Variants in PTPRD observed in about 807,000 individuals in gnomAD.
The protein encoded by PTPRD is receptor-type tyrosine-protein phosphatase delta.
A neutral mutation model predicts 214.5 loss-of-function variants in PTPRD; 34 were observed. The observed-to-expected ratio is 0.16, with a 90% CI of 0.12 to 0.21. The LOEUF (loss-of-function observed/expected upper bound fraction) is 0.21. PTPRD is among the 10% of genes least tolerant of loss of function. The pLI is 1.00. For missense variants in PTPRD, 2,545 were observed against 2,398.7 expected (o/e 1.06, Z -1.27); for synonymous variants, 1,128 against 845.7 (o/e 1.33, Z -5.79).
chr9:8,905,728 G>A (rs1424965480), intron 11 of PTPRD, among the ~76,000 whole-genome samples: 24 of 133,756 alleles, frequency 1.8e-4, no homozygotes, highest in Non-Finnish European at 2.5e-4. Flanking sequence ...GACAGAGTGA[G>A]ACTCCCTCGC....
At chr9:9,007,893 T>TG (rs1307511565) in intron 11 of PTPRD, among the ~76,000 whole-genome samples, 2 of 146,896 alleles carry the variant, frequency 1.4e-5, no homozygotes, top group East Asian at 2.0e-4. Context: ...GTGTTTTTTT[T>TG]TTTTGTTTTT....
chr9:9,401,503 G>C (rs2070465773), intron 8 of PTPRD, among the ~76,000 whole-genome samples: 1 of 152,074 alleles, frequency 6.6e-6, no homozygotes, highest in Admixed American at 6.6e-5. Flanking sequence ...AAGGGTAATT[G>C]GTATGACTGA....
intron 7 of PTPRD, among the ~76,000 whole-genome samples, chr9:9,716,163 T>A (rs2097824759): frequency 6.6e-6 from 1 of 152,166 alleles, no homozygotes; most frequent in South Asian, 2.1e-4. Context: ...TTCCTCCAAG[T>A]CCCTACAAAG....
At chr9:8,587,059 A>G (rs1594636564) in intron 14 of PTPRD, among the ~76,000 whole-genome samples, 1 of 152,136 alleles carries the variant, frequency 6.6e-6, no homozygotes, top group Non-Finnish European at 1.5e-5. Flanking sequence ...CTGAGGCAGG[A>G]GAATGGTGTG....
intron 8 of PTPRD, among the ~76,000 whole-genome samples, chr9:9,436,395 G>C (rs2085267051): frequency 6.6e-6 from 1 of 152,046 alleles, no homozygotes; most frequent in South Asian, 2.1e-4. Flanking sequence ...AAAAGACTAA[G>C]ACACTGGATA....
intron 14 of PTPRD, among the ~76,000 whole-genome samples, chr9:8,560,866 C>T (rs1045293631): frequency 9.9e-5 from 15 of 151,224 alleles, no homozygotes; most frequent in African/African-American, 3.2e-4. Context: ...TGGATTCAAA[C>T]GACAAATTCC....
chr9:10,323,933 A>T (rs2096599530), intron 3 of PTPRD, among the ~76,000 whole-genome samples: 2 of 151,966 alleles, frequency 1.3e-5, no homozygotes, highest in East Asian at 3.9e-4. Flanking sequence ...TTCTCTAAGG[A>T]AAAAAAATTC....
Position 10,302,810 on chromosome 9 carries a change from T to C in PTPRD, c.-545+38153A>G, listed in dbSNP as rs141209524. Among the ~76,000 whole-genome samples, 146 of 152,282 alleles carry C rather than the reference T, an allele frequency of 9.6e-4. 2 individuals are homozygous for C. In the East Asian group the frequency reaches 0.019, roughly 19 times the overall value. ...AGAGACTTAGACGCCCACACAATAA[T>C]AGTGGGAAACTGTAACACCCCACTG... is the stretch of plus-strand genomic sequence containing the variant. On this transcript the variant is annotated intron_variant, in intron 3 of 45. Transcript: ENST00000381196.
intron 5 of PTPRD, among the ~76,000 whole-genome samples, chr9:9,901,609 G>C (rs186590196): frequency 1.1e-4 from 16 of 152,012 alleles, no homozygotes; most frequent in African/African-American, 3.6e-4. Flanking sequence ...TAATAAAAAA[G>C]ACCAGAGAAA....
intron 7 of PTPRD, among the ~76,000 whole-genome samples, chr9:9,677,774 A>G (rs531057117): frequency 6.6e-6 from 1 of 152,234 alleles, no homozygotes; most frequent in Non-Finnish European, 1.5e-5. Context: ...AGAGGAAGTC[A>G]AATCGTCCCT....
chr9:8,688,907 T>C (rs2097749276), intron 12 of PTPRD, among the ~76,000 whole-genome samples: 1 of 152,222 alleles, frequency 6.6e-6, no homozygotes, highest in African/African-American at 2.4e-5. Flanking sequence ...TCTAAACATC[T>C]ATGCCTGTAT....
chr9:9,575,664 G>C (rs984094672), intron 7 of PTPRD, among the ~76,000 whole-genome samples: 3 of 125,206 alleles, frequency 2.4e-5, no homozygotes, highest in African/African-American at 5.9e-5. Flanking sequence ...AGGTTGCAGT[G>C]AGCCAAGATC....
At chr9:9,420,403 C>T (rs541986160) in intron 8 of PTPRD, among the ~76,000 whole-genome samples, 3 of 151,808 alleles carry the variant, frequency 2.0e-5, no homozygotes, top group African/African-American at 7.2e-5. Context: ...TTACTGCCTC[C>T]CCTATTGTTT....
intron 30 of PTPRD, among the ~76,000 whole-genome samples, chr9:8,474,253 G>A (rs1050202117): frequency 2.0e-4 from 30 of 152,060 alleles, no homozygotes; most frequent in African/African-American, 7.2e-4. Flanking sequence ...TTCTCTGGCT[G>A]ATTTTTGCCA....
intron 3 of PTPRD, among the ~76,000 whole-genome samples, chr9:10,337,323 G>A (rs2096861084): frequency 1.3e-5 from 2 of 151,522 alleles, no homozygotes; most frequent in Admixed American, 6.6e-5. Context: ...ATAGATACAA[G>A]ATACAGATAT....
chr9:8,537,038 G>A (rs952968878), intron 14 of PTPRD, among the ~76,000 whole-genome samples: 1 of 151,944 alleles, frequency 6.6e-6, no homozygotes, highest in African/African-American at 2.4e-5. Context: ...TTTTCTTAAA[G>A]GAAACAGTGT....
chr9:8,794,968 G>C (rs138422459), intron 11 of PTPRD, among the ~76,000 whole-genome samples: 1 of 151,254 alleles, frequency 6.6e-6, no homozygotes, highest in Non-Finnish European at 1.5e-5. Context: ...TAATTATTTG[G>C]AACCCAATTT....
At chr9:8,461,526 A>C (rs2096402112) in intron 32 of PTPRD, among the ~76,000 whole-genome samples, 1 of 151,882 alleles carries the variant, frequency 6.6e-6, no homozygotes, top group Non-Finnish European at 1.5e-5. Flanking sequence ...AATCCAACAG[A>C]AACTAATCCA....
rs149489677 is a variant in PTPRD at position 9,341,452 on chromosome 9, C to A, written c.-203+55997G>T. Among the ~76,000 whole-genome samples the A allele has an allele frequency of 7.8e-3, 1,190 of 152,266 alleles. 5 individuals carry two copies. The highest frequency in any genetic ancestry group is 0.012 in the Non-Finnish European group (834 of 68,022). ...ACCCCACTTCCCACTGACTGCATTA[C>A]TATTCAGTGCCCATGCTCAGACACA... is the stretch of plus-strand genomic sequence containing the variant. On this transcript the variant is annotated intron_variant, in intron 9 of 45. Coordinates refer to ENST00000381196, the MANE Select transcript of PTPRD (RefSeq NM_002839.4).
Sources: allele counts gnomAD v4.1 joint callset (sites outside exome capture counted in the v4.1 genomes callset), GRCh38; gene constraint gnomAD v4.1.1; transcripts MANE v1.5; gene names NCBI Gene and HGNC (gene_info 2026-07-23, HGNC 2026-07-21).